The following NIBAN2 variants were observed in gnomAD, a reference collection of about 807,000 sequenced individuals.
NIBAN2 encodes protein Niban 2.
A neutral mutation model predicts 81.8 loss-of-function variants in NIBAN2; 36 were observed. The ratio of observed to expected loss-of-function variants is 0.44; its 90% CI spans 0.34 to 0.58. NIBAN2 has a LOEUF of 0.58. Among genes scored for constraint, NIBAN2 ranks in the 20% least tolerant of loss-of-function variants. The pLI is 0.02. For missense variants in NIBAN2, 897 were observed against 1,014.1 expected, an observed-to-expected ratio of 0.88 and a Z score of 1.57; for synonymous variants, 445 against 441.6, an observed-to-expected ratio of 1.01 and a Z score of -0.10.
chr9:127,528,598 T>A (rs567428838), intron 2 of NIBAN2, among the ~76,000 whole-genome samples: 32 of 152,094 alleles, frequency 2.1e-4, no homozygotes, highest in African/African-American at 6.3e-4. Context: ...AAAACACTCC[T>A]GGAGAAGGAG....
At chr9:127,561,792 T>C (rs550901213) in intron 1 of NIBAN2, among the ~76,000 whole-genome samples, 124 of 152,362 alleles carry the variant, frequency 8.1e-4, no homozygotes, top group South Asian at 3.5e-3. Context: ...TACCCTTCCA[T>C]GACTCAGGCC....
rs189248864 is a variant in NIBAN2 at position 127,518,094 on chromosome 9, G to T, written c.590-153C>A. ...CCTCACTTTCCTCGTCATCAGAGCA[G>T]TCATGGTTGTATCTGATAGGCAAAA... is the stretch of plus-strand genomic sequence containing the variant. On this transcript the variant is annotated intron_variant, in intron 5 of 13. Transcript: ENST00000373312. Among the ~76,000 whole-genome samples, 32 of 152,252 alleles carry T rather than the reference G, an allele frequency of 2.1e-4. No homozygotes were observed. In the East Asian group the frequency reaches 5.8e-3, roughly 28 times the overall value.
intron 1 of NIBAN2, among the ~76,000 whole-genome samples, chr9:127,533,389 G>A (rs1003653744): frequency 1.1e-4 from 16 of 152,110 alleles, no homozygotes; most frequent in African/African-American, 3.1e-4. Context: ...CCCGGGAGGC[G>A]GAGCTTGCAG....
rs764652136 is a variant in NIBAN2 at position 127,508,218 on chromosome 9, G to T, written c.1435-18C>A. On this transcript the variant is annotated intron_variant, in intron 11 of 13. Transcript: ENST00000373312. The surrounding 1 kb of genome is among the most constrained non-coding windows in gnomAD (Gnocchi z 6.4). Reference sequence around the variant, plus strand: ...TCGTATTTCTGCAGGGAACAAGGGGGTCGGGGGTCTGCAGGTCAGTGGGCT... The same window carrying T: ...TCGTATTTCTGCAGGGAACAAGGGGTTCGGGGGTCTGCAGGTCAGTGGGCT... 26 of 1,599,216 alleles carry T rather than the reference G, an allele frequency of 1.6e-5. No homozygotes were observed. The South Asian group carries it at 2.3e-4, about 14-fold the overall frequency.
At chr9:127,562,675 C>T (rs369656289) in intron 1 of NIBAN2, among the ~76,000 whole-genome samples, 2 of 152,130 alleles carry the variant, frequency 1.3e-5, no homozygotes, top group African/African-American at 2.4e-5. Flanking sequence ...AAGCAGAGCA[C>T]GGGAAGAGTT....
intron 2 of NIBAN2, among the ~76,000 whole-genome samples, chr9:127,528,997 C>T (rs1837129300): frequency 6.6e-6 from 1 of 152,252 alleles, no homozygotes; most frequent in African/African-American, 2.4e-5. Flanking sequence ...CCCCCAGATC[C>T]TGGGGAGCTC....
rs1052407406 is a variant in NIBAN2 at position 127,536,315 on chromosome 9, C to G, written c.56-4537G>C. Among the ~76,000 whole-genome samples, 24 of 152,124 alleles carry G rather than the reference C, an allele frequency of 1.6e-4. No homozygotes were observed. Among genetic ancestry groups the G allele is most frequent in the Non-Finnish European group, 2.4e-4 (16 of 68,020 alleles). ...GCTTGCAGGGCCTTCCTGGCTGGAC[C>G]CTGCTGGAAGAGGACCCAGGCGAGC... is the stretch of plus-strand genomic sequence containing the variant. On this transcript the variant is annotated intron_variant, in intron 1 of 13. Transcript: ENST00000373312. This position sits in a 1 kb window ranked among gnomAD's most constrained non-coding sequence, Gnocchi z 4.0.
At chr9:127,565,946 T>TCTCTCTCTCACACACACACACACA (rs751937125) in intron 1 of NIBAN2, among the ~76,000 whole-genome samples, 3 of 130,558 alleles carry the variant, frequency 2.3e-5, no homozygotes, top group African/African-American at 9.7e-5. Context: ...TCTCTCTCTC[T>TCTCTCTCTCACACACACACACACA]CACACACACA....
chr9:127,509,217 G>A, intron 9 of NIBAN2, 86 bp from the exon 10 acceptor site: 1 of 1,359,086 alleles, frequency 7.4e-7, no homozygotes, highest in Non-Finnish European at 9.9e-7. Flanking sequence ...GGTCCTCGAA[G>A]TCCAGGCCCT....
intron 1 of NIBAN2, among the ~76,000 whole-genome samples, chr9:127,543,084 G>A (rs959341359): frequency 5.3e-5 from 8 of 152,180 alleles, no homozygotes; most frequent in African/African-American, 1.7e-4. Flanking sequence ...CCCTCAGCAC[G>A]CCAAGGCCCG....
At chr9:127,532,443 A>G (rs868168070) in intron 1 of NIBAN2, among the ~76,000 whole-genome samples, 3 of 152,050 alleles carry the variant, frequency 2.0e-5, no homozygotes, top group Admixed American at 1.3e-4. Flanking sequence ...TAAAAATACA[A>G]AAATCAGCAG....
intron 1 of NIBAN2, among the ~76,000 whole-genome samples, chr9:127,555,485 T>C (rs533342954): frequency 1.3e-5 from 2 of 151,874 alleles, no homozygotes; most frequent in African/African-American, 2.4e-5. Context: ...CCCAGAACCA[T>C]GGGGGGCCAG....
chr9:127,515,552 A>G lies in NIBAN2; in HGVS notation c.973+1305T>C, dbSNP rs538754996. ...AAAAAAAAAAAAACAAACAAAAAAA[A>G]CAGGCCAGGCACAGTGGCTCACACC... On this transcript the variant is annotated intron_variant, in intron 8 of 13. Coordinates refer to ENST00000373312, the MANE Select transcript of NIBAN2 (RefSeq NM_022833.4). Among the ~76,000 whole-genome samples, 320 of 108,696 alleles carry G rather than the reference A, an allele frequency of 2.9e-3. 3 individuals carry two copies. The East Asian group carries it at 0.049, about 17-fold the overall frequency. 71.3% of individuals were successfully genotyped at this position (108,696 alleles called of 152,430 possible). A position where few individuals can be genotyped will look rare whatever the true frequency, so the allele number is the denominator to read the frequency against.
chr9:127,508,211 C>A lies in NIBAN2; in HGVS notation c.1435-11G>T, dbSNP rs1836651785. The A allele has an allele frequency of 6.2e-7, 1 of 1,608,598 alleles. No individual in the cohort carries two copies. ...GTCGTAGTCGTATTTCTGCAGGGAA[C>A]AAGGGGGTCGGGGGTCTGCAGGTCA... On this transcript the variant is annotated splice_polypyrimidine_tract_variant and intron_variant, in intron 11 of 13. Coordinates refer to ENST00000373312, the MANE Select transcript of NIBAN2 (RefSeq NM_022833.4). The surrounding 1 kb of genome is among the most constrained non-coding windows in gnomAD (Gnocchi z 6.4).
upstream of NIBAN2, among the ~76,000 whole-genome samples, chr9:127,571,003 T>C (rs1336703102): frequency 6.6e-6 from 1 of 152,242 alleles, no homozygotes; most frequent in African/African-American, 2.4e-5. Flanking sequence ...GCTGATAACC[T>C]CTTTTCATTT....
intron 2 of NIBAN2, among the ~76,000 whole-genome samples, chr9:127,528,530 C>A (rs141798505): frequency 1.3e-5 from 2 of 152,162 alleles, no homozygotes; most frequent in East Asian, 3.9e-4. Flanking sequence ...CTCTCCACCC[C>A]CTTCACCATG....
In NIBAN2 at chr9:127,531,775, T is replaced by G. The variant is rs139344456; in HGVS notation, c.59A>C (p.Lys20Thr). The change falls in exon 2 of 14, where the codon AAA (lysine) becomes ACA (threonine). Residue 20 changes from lysine to threonine, a missense_variant. Lys to Thr is a moderately conservative substitution (Grantham distance 78). Around this residue, in one of 3 missense-constraint regions of NIBAN2, gnomAD observed 209 missense variants for 208.4 expected, o/e 1.00. Coordinates refer to ENST00000373312, the MANE Select transcript of NIBAN2 (RefSeq NM_022833.4). ...DDARRQHIAE[K>T]TGKILTEFLQ... ...GAACTCCGTCAGGATCTTCCCGGTT[T>G]TTTCTGGAAGAGAAGGACAAGCAGG... The G allele has an allele frequency of 1.8e-5, 29 of 1,614,132 alleles. No homozygotes were observed. In the African/African-American group the frequency reaches 3.6e-4, roughly 20 times the overall value.
In NIBAN2 at chr9:127,545,296, C is replaced by A. The variant is rs1198241547; in HGVS notation, c.56-13518G>T. Among the ~76,000 whole-genome samples, 1 of 146,050 alleles carries A rather than the reference C, an allele frequency of 6.8e-6. No individual in the cohort carries two copies. Among genetic ancestry groups the A allele is most frequent in the Non-Finnish European group, 1.5e-5 (1 of 68,016 alleles). On this transcript the variant is annotated intron_variant, in intron 1 of 13. Transcript: ENST00000373312. This position sits in a 1 kb window ranked among gnomAD's most constrained non-coding sequence, Gnocchi z 4.7. ...CCACAGCCTCCCTGGCCTCCACTCCCACAGCCCCTGGCCTGCTCCCCGGCA... is the reference window on the plus strand; with the variant it reads ...CCACAGCCTCCCTGGCCTCCACTCCAACAGCCCCTGGCCTGCTCCCCGGCA...
At chr9:127,519,485 G>C (rs972668035) in intron 5 of NIBAN2, among the ~76,000 whole-genome samples, 54 of 152,350 alleles carry the variant, frequency 3.5e-4, no homozygotes, top group Non-Finnish European at 6.0e-4. Flanking sequence ...GGAAGCCTGT[G>C]CATCAGAAAC....
Sources: allele counts gnomAD v4.1 joint callset (sites outside exome capture counted in the v4.1 genomes callset), GRCh38; gene constraint gnomAD v4.1.1; regional missense constraint gnomAD v4.1.1; non-coding constraint Gnocchi (gnomAD v3.1); transcripts MANE v1.5; gene names NCBI Gene and HGNC (gene_info 2026-07-23, HGNC 2026-07-21).